Variants in NME7 observed in about 807,000 individuals in gnomAD.
The protein encoded by NME7 is nucleoside diphosphate kinase 7.
NME7 carries 41 observed loss-of-function variants against 49.1 expected under a neutral mutation model. That is an observed-to-expected ratio of 0.83 (90% CI 0.65 to 1.08). NME7 has a LOEUF of 1.08. Among genes scored for constraint, NME7 ranks in the 50% least tolerant of loss-of-function variants. The probability of loss-of-function intolerance (pLI) is 0.00; values close to 1 mark genes in which losing one functional copy is unlikely to be tolerated. For missense variants in NME7, 423 were observed against 463.4 expected, an observed-to-expected ratio of 0.91 and a Z score of 0.80; for synonymous variants, 139 against 150.6, an observed-to-expected ratio of 0.92 and a Z score of 0.56.
intron 1 of NME7, among the ~76,000 whole-genome samples, chr1:169,346,297 C>A (rs1448464579): frequency 1.3e-5 from 2 of 152,160 alleles, no homozygotes; most frequent in East Asian, 3.8e-4. Flanking sequence ...CAAAGCCCTC[C>A]AAGATCTGGC....
rs1332292804 is a variant in NME7 at position 169,256,690 on chromosome 1, T to C, written c.755-19003A>G. On this transcript the variant is annotated intron_variant, in intron 7 of 11. Coordinates refer to ENST00000367811, the MANE Select transcript of NME7 (RefSeq NM_013330.5). ...CTGTTCTGTTTTTTCCCCATCTTTG[T>C]GGTTTTATCTACTTTTGGTCTTTGA... 7.3e-5 allele frequency among the ~76,000 whole-genome samples: 9 copies of C among 123,400 alleles called. 2 individuals carry two copies. The highest frequency in any genetic ancestry group is 1.3e-4 in the Non-Finnish European group (7 of 53,708). The allele number at this position is 123,400 out of a possible 152,430, so 81.0% of individuals were successfully genotyped here. A position where few individuals can be genotyped will look rare whatever the true frequency, so the allele number is the denominator to read the frequency against.
At position 169,367,751 on chromosome 1, in the gene NME7, A is replaced by C; in HGVS notation, c.-41T>G. On this transcript the variant is annotated 5_prime_UTR_variant, in exon 1 of 12. Coordinates refer to ENST00000367811, the MANE Select transcript of NME7 (RefSeq NM_013330.5). ...GCACTAGAAAATAGGTATCGTTGAGACAGGAAGACACCACCACCACCACCA... is the reference window on the plus strand; with the variant it reads ...GCACTAGAAAATAGGTATCGTTGAGCCAGGAAGACACCACCACCACCACCA... The C allele has an allele frequency of 6.2e-7, 1 of 1,613,328 alleles. No homozygotes were observed. Among genetic ancestry groups the C allele is most frequent in the Middle Eastern group, 1.7e-4 (1 of 6,060 alleles).
chr1:169,182,477 C>T (rs1659957953), intron 10 of NME7, among the ~76,000 whole-genome samples: 1 of 152,176 alleles, frequency 6.6e-6, no homozygotes. Context: ...CCTCTCTCTC[C>T]CTTTTGGGCC....
In NME7 at chr1:169,260,044, G is replaced by C. The variant is rs1342464748; in HGVS notation, c.755-22357C>G. Among the ~76,000 whole-genome samples the C allele has an allele frequency of 1.5e-5, 2 of 133,478 alleles. 1 individual carries two copies. Among genetic ancestry groups the C allele is most frequent in the Non-Finnish European group, 3.5e-5 (2 of 56,726 alleles). 87.6% of individuals were successfully genotyped at this position (133,478 alleles called of 152,430 possible). A position where few individuals can be genotyped will look rare whatever the true frequency, so the allele number is the denominator to read the frequency against. On this transcript the variant is annotated intron_variant, in intron 7 of 11. Coordinates refer to ENST00000367811, the MANE Select transcript of NME7 (RefSeq NM_013330.5). ...GGATGAGTAACTCACTTCCTATTTT[G>C]CACACATAGAAGTCACAGTACGTAT...
Position 169,227,021 on chromosome 1 carries a change from C to T in NME7, c.990+3697G>A, listed in dbSNP as rs142358642. Among the ~76,000 whole-genome samples the T allele has an allele frequency of 1.4e-4, 22 of 152,212 alleles. No homozygotes were observed. The East Asian group carries it at 3.7e-3, about 25-fold the overall frequency. On this transcript the variant is annotated intron_variant, in intron 10 of 11. Coordinates refer to ENST00000367811, the MANE Select transcript of NME7 (RefSeq NM_013330.5). Reference sequence around the variant, plus strand: ...TTACGAGGTCCTTAAGGAAATATAACGTATTCTAGTCATCTTTTTTATGCC... The same window carrying T: ...TTACGAGGTCCTTAAGGAAATATAATGTATTCTAGTCATCTTTTTTATGCC...
chr1:169,283,040 C>T (rs947237800), intron 7 of NME7, among the ~76,000 whole-genome samples: 1 of 151,906 alleles, frequency 6.6e-6, no homozygotes, highest in Non-Finnish European at 1.5e-5. Flanking sequence ...AATATTGACA[C>T]TGGGGTGTTA....
chr1:169,236,211 G>A (rs1157037135), intron 8 of NME7, among the ~76,000 whole-genome samples: 1 of 152,100 alleles, frequency 6.6e-6, no homozygotes, highest in African/African-American at 2.4e-5. Flanking sequence ...TAGAATTTGA[G>A]CCAGAAATGA....
chr1:169,150,125 T>C (rs181782998), intron 11 of NME7, among the ~76,000 whole-genome samples: 48 of 152,272 alleles, frequency 3.2e-4, no homozygotes, highest in Non-Finnish European at 6.6e-4. Context: ...TGAGCTATGA[T>C]TGCACCACTG....
intron 11 of NME7, among the ~76,000 whole-genome samples, chr1:169,162,923 A>G (rs1205854884): frequency 6.6e-6 from 1 of 152,158 alleles, no homozygotes; most frequent in Non-Finnish European, 1.5e-5. Flanking sequence ...ACATACTTGA[A>G]TTTTCTACCA....
intron 1 of NME7, among the ~76,000 whole-genome samples, chr1:169,348,793 A>T (rs1389272707): frequency 6.6e-6 from 1 of 152,078 alleles, no homozygotes; most frequent in Non-Finnish European, 1.5e-5. Flanking sequence ...TGAATTATGA[A>T]TTCCTGAAAA....
chr1:169,246,499 C>T (rs955319080), intron 7 of NME7, among the ~76,000 whole-genome samples: 7 of 152,224 alleles, frequency 4.6e-5, no homozygotes, highest in Admixed American at 4.6e-4. Flanking sequence ...CCTCCACTAA[C>T]ACCACATACC....
intron 10 of NME7, among the ~76,000 whole-genome samples, chr1:169,195,064 A>G (rs563608690): frequency 2.3e-5 from 3 of 130,200 alleles, no homozygotes; most frequent in Non-Finnish European, 5.3e-5. Flanking sequence ...AAGGGCATTC[A>G]AAACATGTTT....
In NME7 at chr1:169,193,940, TA is replaced by T. The variant is rs568141381; in HGVS notation, c.991-24387del. Reference sequence around the variant, plus strand: ...ATAGTGAATGCAGCCAAAGAGCAGTTAAAAAAAAATCACTAGGGAAGAATAG... The same window carrying T: ...ATAGTGAATGCAGCCAAAGAGCAGTTAAAAAAAATCACTAGGGAAGAATAG... On this transcript the variant is annotated intron_variant, in intron 10 of 11. Transcript: ENST00000367811. 6.3e-3 allele frequency among the ~76,000 whole-genome samples: 947 copies of T among 150,316 alleles called. 10 individuals are homozygous for T. Among genetic ancestry groups the T allele is most frequent in the African/African-American group, 0.022 (888 of 40,974 alleles).
Position 169,235,202 on chromosome 1 carries a change from A to G in NME7, c.820-3T>C. 6.7e-7 allele frequency: 1 copy of G among 1,491,728 alleles called. No homozygotes were observed. The highest frequency in any genetic ancestry group is 9.1e-7 in the Non-Finnish European group (1 of 1,094,444). The allele number at this position is 1,491,728 out of a possible 1,614,324, so 92.4% of individuals were successfully genotyped here. A position where few individuals can be genotyped will look rare whatever the true frequency, so the allele number is the denominator to read the frequency against. ...ACATTAACCCGATCCATATTGAACT[A>G]TATTAAAAAATAAAACAAAACAAAA... On this transcript the variant is annotated splice_region_variant and splice_polypyrimidine_tract_variant and intron_variant, in intron 8 of 11. Coordinates refer to ENST00000367811, the MANE Select transcript of NME7 (RefSeq NM_013330.5).
rs192547280 is a variant in NME7 at position 169,277,058 on chromosome 1, T to G, written c.754+10245A>C. 4.7e-3 allele frequency among the ~76,000 whole-genome samples: 715 copies of G among 150,586 alleles called. 31 individuals carry two copies. The highest frequency in any genetic ancestry group is 0.016 in the African/African-American group (664 of 41,198). On this transcript the variant is annotated intron_variant, in intron 7 of 11. Coordinates refer to ENST00000367811, the MANE Select transcript of NME7 (RefSeq NM_013330.5). ...TTGCACTGTGGTCTGAGAGACAGTT[T>G]GTTATAATTTCTGTTCTTTTACACT... is the stretch of plus-strand genomic sequence containing the variant.
In NME7 at chr1:169,184,916, C is replaced by A. The variant is rs76832872; in HGVS notation, c.991-15362G>T. Among the ~76,000 whole-genome samples, 22 of 152,226 alleles carry A rather than the reference C, an allele frequency of 1.4e-4. 2 individuals carry two copies. In the East Asian group the frequency reaches 4.2e-3, roughly 29 times the overall value. On this transcript the variant is annotated intron_variant, in intron 10 of 11. Coordinates refer to ENST00000367811, the MANE Select transcript of NME7 (RefSeq NM_013330.5). ...GCATAGAATTGGAAAGTGATACTAA[C>A]AATTAGATCTTGCAAGCTGGTGCAA... is the stretch of plus-strand genomic sequence containing the variant.
At chr1:169,224,525 TA>T (rs1661243397) in intron 10 of NME7, among the ~76,000 whole-genome samples, 6 of 152,118 alleles carry the variant, frequency 3.9e-5, no homozygotes, top group Admixed American at 3.9e-4. Flanking sequence ...TATATACATA[TA>T]TACACACATT....
chr1:169,163,937 T>C (rs1049566574), intron 11 of NME7, among the ~76,000 whole-genome samples: 1 of 151,876 alleles, frequency 6.6e-6, no homozygotes, highest in South Asian at 2.1e-4. Context: ...GGCAAAACCC[T>C]GTCTCTACTA....
At chr1:169,299,242 A>T (rs1160555397) in intron 5 of NME7, among the ~76,000 whole-genome samples, 2 of 151,322 alleles carry the variant, frequency 1.3e-5, no homozygotes, top group Admixed American at 1.3e-4. Context: ...GAACTCTCTT[A>T]ATCAATAAAC....
Sources: allele counts gnomAD v4.1 joint callset (sites outside exome capture counted in the v4.1 genomes callset), GRCh38; gene constraint gnomAD v4.1.1; transcripts MANE v1.5; gene names NCBI Gene and HGNC (gene_info 2026-07-23, HGNC 2026-07-21).